The following TNIK variants were observed in gnomAD, a reference collection of about 807,000 sequenced individuals.
The protein encoded by TNIK is TRAF2 and NCK-interacting protein kinase.
TNIK carries 49 observed loss-of-function variants against 191.3 expected under a neutral mutation model. The ratio of observed to expected loss-of-function variants is 0.26; its 90% confidence interval spans 0.20 to 0.32. The LOEUF is 0.32. Among genes scored for constraint, TNIK ranks in the 10% least tolerant of loss-of-function variants. The pLI, the probability that TNIK is intolerant of heterozygous loss-of-function variation, is 1.00. For synonymous variants in TNIK, 594 were observed against 600.9 expected, an observed-to-expected ratio of 0.99 and a Z score of 0.17; for missense variants, 1,155 against 1,702.3, an observed-to-expected ratio of 0.68 and a Z score of 5.66.
At chr3:171,310,870 G>T (rs1349766098) in intron 2 of TNIK, among the ~76,000 whole-genome samples, 2 of 152,152 alleles carry the variant, frequency 1.3e-5, no homozygotes, top group Non-Finnish European at 2.9e-5. Context: ...TAGAATGGCT[G>T]CAACAAGCAA....
At chr3:171,440,521 A>G (rs1363646693) in intron 1 of TNIK, among the ~76,000 whole-genome samples, 2 of 152,210 alleles carry the variant, frequency 1.3e-5, no homozygotes, top group African/African-American at 4.8e-5. Context: ...AATAAAGTGT[A>G]TGGAGGTGGA....
In TNIK at chr3:171,061,578, T is replaced by C. The variant is rs1017807721; in HGVS notation, c.*2303A>G. 6.6e-6 allele frequency: 1 copy of C among 152,182 alleles called. No homozygotes were observed. Among genetic ancestry groups the C allele is most frequent in the Non-Finnish European group, 1.5e-5 (1 of 68,026 alleles). 9.4% of individuals were successfully genotyped at this position (152,182 alleles called of 1,614,324 possible). A position where few individuals can be genotyped will look rare whatever the true frequency, so the allele number is the denominator to read the frequency against. ...TAAAAAAATCATTTAAAGCTGTGTGTTTCAAACTTATCACTTAGAAATAAA... is the reference window on the plus strand; with the variant it reads ...TAAAAAAATCATTTAAAGCTGTGTGCTTCAAACTTATCACTTAGAAATAAA... On this transcript the variant is annotated 3_prime_UTR_variant, in exon 33 of 33. Coordinates refer to ENST00000436636, the MANE Select transcript of TNIK (RefSeq NM_015028.4).
intron 3 of TNIK, among the ~76,000 whole-genome samples, chr3:171,215,603 G>T: frequency 6.6e-6 from 1 of 152,142 alleles, no homozygotes; most frequent in East Asian, 1.9e-4. Context: ...AACCAAAGTC[G>T]TTAATCGGAA....
chr3:171,180,318 T>TC (rs1736488320), intron 7 of TNIK, among the ~76,000 whole-genome samples: 1 of 151,386 alleles, frequency 6.6e-6, no homozygotes. Context: ...CCCTGGGACC[T>TC]CCCCCCAGCA....
At chr3:171,120,589 G>A (rs189464059) in intron 18 of TNIK, among the ~76,000 whole-genome samples, 25 of 152,240 alleles carry the variant, frequency 1.6e-4, no homozygotes, top group African/African-American at 6.0e-4. Flanking sequence ...AAAGTGCTGG[G>A]ATTACAGGTG....
At chr3:171,429,344 A>G (rs1010801754) in intron 1 of TNIK, among the ~76,000 whole-genome samples, 3 of 152,162 alleles carry the variant, frequency 2.0e-5, no homozygotes, top group Non-Finnish European at 2.9e-5. Context: ...CTAAAACACT[A>G]TTGTGCCCAT....
chr3:171,447,175 A>G (rs753435318), intron 1 of TNIK, among the ~76,000 whole-genome samples: 7 of 152,184 alleles, frequency 4.6e-5, no homozygotes, highest in Non-Finnish European at 1.0e-4. Flanking sequence ...TGGGTAACAG[A>G]GCTAGACTCC....
At chr3:171,260,225 AC>A (rs1199281189) in intron 2 of TNIK, among the ~76,000 whole-genome samples, 5 of 150,488 alleles carry the variant, frequency 3.3e-5, no homozygotes, top group Non-Finnish European at 1.5e-5. Context: ...CCACCTGCTA[AC>A]CCCCACACAG....
At position 171,240,199 on chromosome 3, in the gene TNIK, C is replaced by T. The variant is rs370436581; in HGVS notation, c.124-11978G>A. ...GGTCGACTCATCAGGGATCGTGAGACGGGTAAGCACAGCATCTTGCTGACT... is the reference window on the plus strand; with the variant it reads ...GGTCGACTCATCAGGGATCGTGAGATGGGTAAGCACAGCATCTTGCTGACT... On this transcript the variant is annotated intron_variant, in intron 2 of 32. Transcript: ENST00000436636. Among the ~76,000 whole-genome samples, 94 of 152,222 alleles carry T rather than the reference C, an allele frequency of 6.2e-4. 1 individual carries two copies. Among genetic ancestry groups the T allele is most frequent in the African/African-American group, 2.1e-3 (87 of 41,542 alleles).
Position 171,063,014 on chromosome 3 carries a change from A to G in TNIK, c.*867T>C, listed in dbSNP as rs1460496317. ...TCTGTCTGACCCCATCTGTCATCCC[A>G]TCTTTTTCCCTGATCTGTTGCATAA... is the stretch of plus-strand genomic sequence containing the variant. On this transcript the variant is annotated 3_prime_UTR_variant, in exon 33 of 33. Transcript: ENST00000436636. 2 of 152,132 alleles carry G rather than the reference A, an allele frequency of 1.3e-5. No individual in the cohort carries two copies. The highest frequency in any genetic ancestry group is 6.5e-5 in the Admixed American group (1 of 15,272). 9.4% of individuals were successfully genotyped at this position (152,132 alleles called of 1,614,324 possible).
At chr3:171,365,208 G>A (rs1236923913) in intron 2 of TNIK, among the ~76,000 whole-genome samples, 1 of 57,556 alleles carries the variant, frequency 1.7e-5, no homozygotes, top group Admixed American at 3.2e-4. Context: ...TTGAGACAGA[G>A]TTTCGCTCTA....
intron 12 of TNIK, among the ~76,000 whole-genome samples, chr3:171,151,576 T>C (rs900498409): frequency 2.6e-5 from 4 of 152,224 alleles, no homozygotes; most frequent in South Asian, 2.1e-4. Flanking sequence ...GCTATTGTTA[T>C]TTCTTGCTTT....
chr3:171,247,388 G>A (rs985095497), intron 2 of TNIK, among the ~76,000 whole-genome samples: 4 of 152,250 alleles, frequency 2.6e-5, no homozygotes, highest in Non-Finnish European at 5.9e-5. Flanking sequence ...TTGGAGAATT[G>A]AAAGAGAAAC....
At chr3:171,221,762 T>C (rs1742369362) in intron 3 of TNIK, among the ~76,000 whole-genome samples, 1 of 152,092 alleles carries the variant, frequency 6.6e-6, no homozygotes, top group Non-Finnish European at 1.5e-5. Flanking sequence ...TTTTTTCAGC[T>C]ACATACTATT....
At chr3:171,456,900 T>C (rs373320616) in intron 1 of TNIK, among the ~76,000 whole-genome samples, 1 of 152,204 alleles carries the variant, frequency 6.6e-6, no homozygotes, top group Non-Finnish European at 1.5e-5. Flanking sequence ...GAAATCTAGA[T>C]TATTTCCTCA....
intron 2 of TNIK, among the ~76,000 whole-genome samples, chr3:171,285,404 A>G (rs1197947934): frequency 6.6e-6 from 1 of 152,214 alleles, no homozygotes; most frequent in African/African-American, 2.4e-5. Flanking sequence ...AAAAACGTAG[A>G]TGAGAAAGTA....
At chr3:171,302,518 C>CT (rs1752993262) in intron 2 of TNIK, among the ~76,000 whole-genome samples, 1 of 152,126 alleles carries the variant, frequency 6.6e-6, no homozygotes, top group Non-Finnish European at 1.5e-5. Context: ...GTAAGTGTAC[C>CT]TGTATCCTTG....
At chr3:171,279,887 T>C (rs1293545545) in intron 2 of TNIK, among the ~76,000 whole-genome samples, 2 of 152,190 alleles carry the variant, frequency 1.3e-5, no homozygotes, top group Non-Finnish European at 2.9e-5. Flanking sequence ...ACATGTAGTC[T>C]GGTTCTAGAC....
intron 1 of TNIK, chr3:171,439,766 T>A (rs1204615696): frequency 1.3e-5 from 2 of 152,264 alleles, no homozygotes; most frequent in African/African-American, 4.8e-5. Flanking sequence ...TAGGACCAAA[T>A]CCTGGACCAC....
Sources: gnomAD v4.1 joint callset for allele counts (sites outside exome capture counted in the v4.1 genomes callset) on GRCh38, gnomAD v4.1.1 for gene constraint, MANE v1.5 for transcripts, NCBI Gene and HGNC (gene_info 2026-07-23, HGNC 2026-07-21) for gene names.